The following PLEKHA6 variants were observed in gnomAD, a reference collection of about 807,000 sequenced individuals.
The protein encoded by PLEKHA6 is pleckstrin homology domain-containing family A member 6.
In PLEKHA6, 60 loss-of-function variants were observed where a neutral mutation model predicts 116.7. The observed-to-expected ratio is 0.51, with a 90% confidence interval of 0.42 to 0.64. The LOEUF is 0.64. Among genes scored for constraint, PLEKHA6 ranks in the 30% least tolerant of loss-of-function variants. PLEKHA6 has a pLI of 0.00. For synonymous variants in PLEKHA6, 489 were observed against 556.1 expected, an observed-to-expected ratio of 0.88 and a Z score of 1.70; for missense variants, 1,338 against 1,422.7, an observed-to-expected ratio of 0.94 and a Z score of 0.96.
chr1:204,267,076 T>C (rs1321461634), intron 5 of PLEKHA6, among the ~76,000 whole-genome samples: 1 of 152,192 alleles, frequency 6.6e-6, no homozygotes, highest in Non-Finnish European at 1.5e-5. Context: ...GGACTGTGCA[T>C]TCCAGTGGGA....
intron 3 of PLEKHA6, among the ~76,000 whole-genome samples, chr1:204,365,423 G>A (rs1673629924): frequency 6.6e-6 from 1 of 152,188 alleles, no homozygotes; most frequent in Admixed American, 6.5e-5. Context: ...ATCGAGAAGT[G>A]GGTGGGTTGA....
intron 1 of PLEKHA6, among the ~76,000 whole-genome samples, chr1:204,355,996 C>A (rs867192941): frequency 8.6e-4 from 58 of 67,832 alleles, no homozygotes; most frequent in African/African-American, 1.3e-3. Flanking sequence ...CACACACACA[C>A]ACACAAAAAA....
At chr1:204,280,590 G>A (rs1414764856) in intron 1 of PLEKHA6, 3 of 334,248 alleles carry the variant, frequency 9.0e-6, no homozygotes, top group Non-Finnish European at 4.3e-6. Flanking sequence ...GTGGAGAGAG[G>A]TTTGCATGCA....
intron 14 of PLEKHA6, among the ~76,000 whole-genome samples, chr1:204,245,261 A>G (rs532170657): frequency 7.2e-5 from 11 of 152,084 alleles, no homozygotes; most frequent in Middle Eastern, 3.4e-3. Flanking sequence ...TGTCAAGGAA[A>G]GCCAGTCTGA....
In PLEKHA6 at chr1:204,239,259, C is replaced by G. The variant is rs1662476131; in HGVS notation, c.2409+2116G>C. 2.6e-5 allele frequency among the ~76,000 whole-genome samples: 4 copies of G among 152,330 alleles called. No individual in the cohort carries two copies. The South Asian group carries it at 8.3e-4, about 32-fold the overall frequency. ...TGGGGGTTACACATGGACTCAGCAA[C>G]ATGGACTTCCACTCACCAAGGCTGT... is the stretch of plus-strand genomic sequence containing the variant. On this transcript the variant is annotated intron_variant, in intron 17 of 22. Transcript: ENST00000272203.
intron 1 of PLEKHA6, among the ~76,000 whole-genome samples, chr1:204,340,292 T>C (rs1234311574): frequency 6.6e-6 from 1 of 152,136 alleles, no homozygotes; most frequent in Non-Finnish European, 1.5e-5. Flanking sequence ...AGAGAAGGAC[T>C]CACACAAAAG....
intron 1 of PLEKHA6, among the ~76,000 whole-genome samples, chr1:204,359,197 T>G (rs957425198): frequency 1.3e-5 from 2 of 152,002 alleles, no homozygotes; most frequent in Non-Finnish European, 2.9e-5. Flanking sequence ...TCTGTCACCC[T>G]TCGACCCAAC....
intron 1 of PLEKHA6, among the ~76,000 whole-genome samples, chr1:204,308,323 T>C (rs1671478522): frequency 6.6e-6 from 1 of 151,872 alleles, no homozygotes; most frequent in Non-Finnish European, 1.5e-5. Context: ...TTTAGGAGGA[T>C]TGCTTGAGGC....
intron 15 of PLEKHA6, among the ~76,000 whole-genome samples, chr1:204,244,176 G>A (rs1019041110): frequency 6.6e-6 from 1 of 151,796 alleles, no homozygotes; most frequent in African/African-American, 2.4e-5. Flanking sequence ...TCTGTCACCA[G>A]GCTGAAGTAC....
intron 17 of PLEKHA6, among the ~76,000 whole-genome samples, chr1:204,233,014 A>G (rs1661410572): frequency 6.6e-6 from 1 of 151,978 alleles, no homozygotes. Context: ...TGTTGCCCAC[A>G]CTGGTCTCAA....
chr1:204,236,103 T>C (rs1408156146), intron 17 of PLEKHA6, among the ~76,000 whole-genome samples: 3 of 152,128 alleles, frequency 2.0e-5, no homozygotes, highest in Non-Finnish European at 4.4e-5. Context: ...AGAACAGGCA[T>C]GGGAATGGAT....
chr1:204,226,629 T>C (rs754630419), intron 21 of PLEKHA6, among the ~76,000 whole-genome samples: 1 of 152,152 alleles, frequency 6.6e-6, no homozygotes, highest in African/African-American at 2.4e-5. Flanking sequence ...TCTCTGAAGC[T>C]ATCCCTTCTC....
intron 1 of PLEKHA6, among the ~76,000 whole-genome samples, chr1:204,297,687 C>A (rs1385717088): frequency 6.6e-6 from 1 of 152,104 alleles, no homozygotes; most frequent in African/African-American, 2.4e-5. Flanking sequence ...ACATAAAATG[C>A]CTAAAACGAT....
At chr1:204,324,901 A>T (rs528260626) in intron 1 of PLEKHA6, among the ~76,000 whole-genome samples, 1 of 152,104 alleles carries the variant, frequency 6.6e-6, no homozygotes, top group East Asian at 1.9e-4. Context: ...GAGATGCAGG[A>T]ATACAGAATT....
intron 1 of PLEKHA6, chr1:204,301,633 G>A (rs1197557191): frequency 5.0e-6 from 1 of 200,418 alleles, no homozygotes; most frequent in Non-Finnish European, 8.9e-6. Context: ...AGAGAAGGGG[G>A]GCTTGAGTTT....
intron 3 of PLEKHA6, among the ~76,000 whole-genome samples, chr1:204,366,733 C>G (rs1572235176): frequency 6.6e-6 from 1 of 152,152 alleles, no homozygotes; most frequent in Admixed American, 6.5e-5. Flanking sequence ...TGCACTCCAG[C>G]CTGGGTGACA....
Position 204,223,457 on chromosome 1 carries a change from C to G in PLEKHA6, c.*8+5G>C. The G allele has an allele frequency of 6.8e-7, 1 of 1,462,286 alleles. No individual in the cohort carries two copies. The highest frequency in any genetic ancestry group is 9.4e-7 in the Non-Finnish European group (1 of 1,065,198). 90.6% of individuals were successfully genotyped at this position (1,462,286 alleles called of 1,614,324 possible). The stretch of plus-strand genomic sequence containing the variant: ...GTGGATGAAATACAGTAGAAAAGTG[C>G]TTACGTCAGAGCTCAGACCCGCATG... On this transcript the variant is annotated splice_donor_5th_base_variant and intron_variant, in intron 22 of 22. Coordinates refer to ENST00000272203, the MANE Select transcript of PLEKHA6 (RefSeq NM_014935.5). The surrounding 1 kb of genome is among the most constrained non-coding windows in gnomAD (Gnocchi z 4.8).
intron 1 of PLEKHA6, among the ~76,000 whole-genome samples, chr1:204,343,555 C>T (rs547602022): frequency 2.0e-5 from 3 of 152,252 alleles, no homozygotes; most frequent in Admixed American, 6.5e-5. Flanking sequence ...CCCATACTTG[C>T]CTGACTCTTG....
intron 17 of PLEKHA6, among the ~76,000 whole-genome samples, chr1:204,240,553 C>A (rs1662663667): frequency 6.6e-6 from 1 of 152,130 alleles, no homozygotes; most frequent in South Asian, 2.1e-4. Flanking sequence ...GATTTATTGA[C>A]CTCACATAAG....
Sources: allele counts gnomAD v4.1 joint callset (sites outside exome capture counted in the v4.1 genomes callset), GRCh38; gene constraint gnomAD v4.1.1; non-coding constraint Gnocchi (gnomAD v3.1); transcripts MANE v1.5; gene names NCBI Gene and HGNC (gene_info 2026-07-23, HGNC 2026-07-21).